The following FAM168A variants were observed in gnomAD, a reference collection of about 807,000 sequenced individuals.
The protein encoded by FAM168A is family with sequence similarity 168 member A.
FAM168A carries 3 observed loss-of-function variants against 28.5 expected under a neutral mutation model. The observed-to-expected ratio is 0.11, with a 90% CI of 0.05 to 0.27. The LOEUF is 0.27. Ranked by LOEUF, FAM168A falls within the 10% of genes least tolerant of loss-of-function variation. The pLI, the probability that FAM168A is intolerant of heterozygous loss-of-function variation, is 1.00. For synonymous variants in FAM168A, 122 were observed against 124.2 expected (o/e 0.98, Z 0.12); for missense variants, 222 against 311.5 (o/e 0.71, Z 2.16).
intron 1 of FAM168A, among the ~76,000 whole-genome samples, chr11:73,507,500 G>T (rs973755981): frequency 3.3e-5 from 5 of 151,976 alleles, no homozygotes; most frequent in Non-Finnish European, 5.9e-5. Context: ...GAGGAGGGAG[G>T]GGACCCAAAA....
intron 1 of FAM168A, among the ~76,000 whole-genome samples, chr11:73,468,796 A>G (rs1867774162): frequency 6.6e-6 from 1 of 152,216 alleles, no homozygotes; most frequent in South Asian, 2.1e-4. Context: ...CTAGAGTACT[A>G]TGTGGCATTG....
intron 1 of FAM168A, among the ~76,000 whole-genome samples, chr11:73,493,606 C>T (rs1057079554): frequency 3.9e-5 from 6 of 152,132 alleles, no homozygotes; most frequent in Admixed American, 6.6e-5. Context: ...TTTGTAGAGA[C>T]AGGGTTTCAC....
intron 2 of FAM168A, among the ~76,000 whole-genome samples, chr11:73,463,104 G>A (rs1185911465): frequency 1.3e-5 from 2 of 151,870 alleles, no homozygotes; most frequent in Admixed American, 6.6e-5. Context: ...AAGTAGCTGG[G>A]ATTACAGGTG....
In FAM168A at chr11:73,419,869, T is replaced by C; in HGVS notation, c.277+5A>G. On this transcript the variant is annotated splice_donor_5th_base_variant and intron_variant, in intron 4 of 7. Coordinates refer to ENST00000356467, the MANE Select transcript of FAM168A (RefSeq NM_015159.3). ...GAACAAGGAAATGAGACAGGCTGTA[T>C]TTACTGAAAGCCGCAGAGGATGCTT... 6.2e-7 allele frequency: 1 copy of C among 1,613,896 alleles called. No homozygotes were observed. Among genetic ancestry groups the C allele is most frequent in the Non-Finnish European group, 8.5e-7 (1 of 1,179,882 alleles).
intron 2 of FAM168A, among the ~76,000 whole-genome samples, chr11:73,464,500 CAGG>C (rs1425746662): frequency 6.6e-6 from 1 of 152,124 alleles, no homozygotes; most frequent in African/African-American, 2.4e-5. Context: ...AAGGTCAACA[CAGG>C]AGGAGTCAGA....
chr11:73,495,993 T>C (rs536028822), intron 1 of FAM168A, among the ~76,000 whole-genome samples: 11 of 152,318 alleles, frequency 7.2e-5, no homozygotes, highest in African/African-American at 1.4e-4. Context: ...TGCAATACTA[T>C]GGACAACAGC....
intron 1 of FAM168A, among the ~76,000 whole-genome samples, chr11:73,531,177 T>A (rs76817926): frequency 0.039 from 5,946 of 152,036 alleles, 401 homozygotes; most frequent in African/African-American, 0.14. Flanking sequence ...TACACTTTAC[T>A]CCCCAATCTG....
intron 2 of FAM168A, among the ~76,000 whole-genome samples, chr11:73,450,814 G>C (rs1867414009): frequency 6.6e-6 from 1 of 152,150 alleles, no homozygotes; most frequent in South Asian, 2.1e-4. Flanking sequence ...AAGATGCTTT[G>C]AGTTCAGAAG....
chr11:73,501,824 G>A (rs911943397), intron 1 of FAM168A, among the ~76,000 whole-genome samples: 10 of 152,052 alleles, frequency 6.6e-5, no homozygotes, highest in African/African-American at 2.2e-4. Context: ...GCAGAAGGCC[G>A]GGCGCGGTGG....
chr11:73,426,892 T>C lies in FAM168A; in HGVS notation c.151+3798A>G, dbSNP rs562069653. On this transcript the variant is annotated intron_variant, in intron 3 of 7. Coordinates refer to ENST00000356467, the MANE Select transcript of FAM168A (RefSeq NM_015159.3). The stretch of plus-strand genomic sequence containing the variant: ...TGGATTTTGTGTGTTTTTGAGAAAA[T>C]AGTCTGGGTGACTTTAGTAGAAATA... Among the ~76,000 whole-genome samples the C allele has an allele frequency of 9.8e-5, 15 of 152,294 alleles. No homozygotes were observed. The East Asian group carries it at 1.3e-3, about 14-fold the overall frequency.
chr11:73,575,354 A>T (rs1469043647), intron 1 of FAM168A, among the ~76,000 whole-genome samples: 1 of 152,170 alleles, frequency 6.6e-6, no homozygotes. Context: ...TTCACATATA[A>T]TATTATTTTT....
intron 1 of FAM168A, among the ~76,000 whole-genome samples, chr11:73,545,027 A>AATGTATTATATATATAATATATTATAT (rs1943726386): frequency 1.3e-5 from 1 of 77,446 alleles, no homozygotes; most frequent in African/African-American, 1.2e-4. Flanking sequence ...TAGTATATAT[A>AATGTATTATATATATAATATATTATAT]ATATATATAT....
chr11:73,414,195 T>C (rs914086408), intron 4 of FAM168A, among the ~76,000 whole-genome samples: 3 of 152,108 alleles, frequency 2.0e-5, no homozygotes, highest in African/African-American at 7.3e-5. Context: ...ATTTCAGCCA[T>C]GTTTTTTGTA....
chr11:73,472,903 T>G (rs1022120632), intron 1 of FAM168A, among the ~76,000 whole-genome samples: 2 of 152,074 alleles, frequency 1.3e-5, no homozygotes, highest in South Asian at 4.1e-4. Context: ...GGACTTAGAT[T>G]GGAGATGCCT....
In FAM168A at chr11:73,409,342, T is replaced by G. The variant is rs1481646936; in HGVS notation, c.595+145A>C. ...ATCTTCCTCATCCCCATAGACAGAT[T>G]TAGAGGCTCCTTCCTCTGGGTTCCC... On this transcript the variant is annotated intron_variant, in intron 6 of 7. Coordinates refer to ENST00000356467, the MANE Select transcript of FAM168A (RefSeq NM_015159.3). The G allele has an allele frequency of 4.0e-6, 4 of 1,003,004 alleles. No homozygotes were observed. In the Admixed American group the frequency reaches 1.2e-4, roughly 29 times the overall value. 62.1% of individuals were successfully genotyped at this position (1,003,004 alleles called of 1,614,324 possible).
At chr11:73,528,964 C>T (rs184344532) in intron 1 of FAM168A, among the ~76,000 whole-genome samples, 319 of 152,178 alleles carry the variant, frequency 2.1e-3, no homozygotes, top group Admixed American at 3.5e-3. Flanking sequence ...GCAGGGAATA[C>T]ATCTGCATTC....
intron 2 of FAM168A, among the ~76,000 whole-genome samples, chr11:73,451,361 T>C (rs1788446605): frequency 6.6e-6 from 1 of 152,238 alleles, no homozygotes; most frequent in Non-Finnish European, 1.5e-5. Flanking sequence ...GAGAGATTTA[T>C]GGACCTCTGA....
intron 1 of FAM168A, among the ~76,000 whole-genome samples, chr11:73,591,043 C>G (rs1010900032): frequency 6.6e-6 from 1 of 152,064 alleles, no homozygotes; most frequent in Non-Finnish European, 1.5e-5. Context: ...ACTCAAGAGG[C>G]TAAGGTAGAA....
rs530510537 is a variant in FAM168A, at chr11:73,496,460, T to C, written c.-18-27968A>G. On this transcript the variant is annotated intron_variant, in intron 1 of 7. Coordinates refer to ENST00000356467, the MANE Select transcript of FAM168A (RefSeq NM_015159.3). ...TTGCAAGATGAAAAAGTTCTAGAGA[T>C]CTATCACACAATGAAGTGCATATAG... Among the ~76,000 whole-genome samples, 4 of 152,324 alleles carry C rather than the reference T, an allele frequency of 2.6e-5. No individual in the cohort carries two copies. The East Asian group carries it at 7.7e-4, about 29-fold the overall frequency.
Sources: allele counts gnomAD v4.1 joint callset (sites outside exome capture counted in the v4.1 genomes callset), GRCh38; gene constraint gnomAD v4.1.1; transcripts MANE v1.5; gene names NCBI Gene and HGNC (gene_info 2026-07-23, HGNC 2026-07-21).